Variants in GNG2 observed in about 807,000 individuals in gnomAD.
GNG2 encodes the protein guanine nucleotide-binding protein G(I)/G(S)/G(O) subunit gamma-2.
GNG2 carries 5 observed loss-of-function variants against 5.5 expected under a neutral mutation model. That is an observed-to-expected ratio of 0.91 (90% CI 0.48 to 1.92). The LOEUF (loss-of-function observed/expected upper bound fraction) is 1.92, where lower values mean the gene tolerates loss of function less well. Ranked by LOEUF, GNG2 falls within the 30% of genes most tolerant of loss-of-function variation. The pLI is 0.01. For synonymous variants in GNG2, 28 were observed against 32.0 expected (o/e 0.88, Z 0.42); for missense variants, 55 against 88.4 (o/e 0.62, Z 1.52).
At chr14:51,831,041 G>C (rs367940393) in intron 2 of GNG2, among the ~76,000 whole-genome samples, 6 of 152,148 alleles carry the variant, frequency 3.9e-5, no homozygotes, top group South Asian at 2.1e-4. Flanking sequence ...AATGCACCAG[G>C]CATGCTCCAG....
At chr14:51,891,737 G>A (rs1884868942) in intron 2 of GNG2, among the ~76,000 whole-genome samples, 2 of 152,176 alleles carry the variant, frequency 1.3e-5, no homozygotes, top group South Asian at 4.1e-4. Context: ...GATGTACATA[G>A]CTGTAGTTTA....
chr14:51,930,503 C>T (rs1447464051), intron 2 of GNG2, among the ~76,000 whole-genome samples: 1 of 152,224 alleles, frequency 6.6e-6, no homozygotes, highest in Non-Finnish European at 1.5e-5. Flanking sequence ...TCATCTTTGA[C>T]CTTGGTCACG....
rs192197106 is a variant in GNG2, at chr14:51,879,414, G to T, written c.-30+1757G>T. Reference sequence around the variant, plus strand: ...AGGTTAGAAGCAAAATACCAGCAAGGCATTATTGAACAGCAACTGTGATTA... The same window carrying T: ...AGGTTAGAAGCAAAATACCAGCAAGTCATTATTGAACAGCAACTGTGATTA... On this transcript the variant is annotated intron_variant, in intron 2 of 3. Transcript: ENST00000556766. 1.2e-3 allele frequency among the ~76,000 whole-genome samples: 179 copies of T among 152,300 alleles called. 4 individuals are homozygous for T. Among genetic ancestry groups the T allele is most frequent in the Non-Finnish European group, 5.1e-4 (35 of 68,018 alleles).
intron 2 of GNG2, among the ~76,000 whole-genome samples, chr14:51,889,015 A>G (rs56014595): frequency 0.33 from 50,368 of 151,896 alleles, 9,197 homozygotes; most frequent in Non-Finnish European, 0.42. Flanking sequence ...CAGAATAGAC[A>G]AATCCATAGA....
chr14:51,937,623 A>ATTT (rs60571273), intron 2 of GNG2, among the ~76,000 whole-genome samples: 26,545 of 133,426 alleles, frequency 0.2, 3,891 homozygotes, highest in East Asian at 0.34. Flanking sequence ...GAAATACATA[A>ATTT]TTTTTTTTTT....
chr14:51,856,175 CAA>C (rs1408861960), upstream of GNG2, among the ~76,000 whole-genome samples: 1 of 151,010 alleles, frequency 6.6e-6, no homozygotes, highest in Non-Finnish European at 1.5e-5. Flanking sequence ...AAGACAGTCT[CAA>C]AAAAATAAAA....
At chr14:51,892,651 C>T (rs1884936639) in intron 2 of GNG2, among the ~76,000 whole-genome samples, 1 of 152,178 alleles carries the variant, frequency 6.6e-6, no homozygotes, top group Non-Finnish European at 1.5e-5. Flanking sequence ...GTAACACGCT[C>T]TTGTTTTTAC....
At chr14:51,848,738 C>G (rs7492418) in intron 2 of GNG2, among the ~76,000 whole-genome samples, 1 of 152,132 alleles carries the variant, frequency 6.6e-6, no homozygotes. Flanking sequence ...GATGCCACAC[C>G]TAGGCTCGAA....
At chr14:51,873,523 G>T (rs565763551) in intron 1 of GNG2, among the ~76,000 whole-genome samples, 11 of 152,366 alleles carry the variant, frequency 7.2e-5, no homozygotes, top group Non-Finnish European at 1.2e-4. Context: ...AGAAACCCTG[G>T]CATCCTGCCT....
At chr14:51,932,246 CAAAAAA>C (rs781725794) in intron 2 of GNG2, among the ~76,000 whole-genome samples, 5,170 of 23,150 alleles carry the variant, frequency 0.22, 230 homozygotes, top group Middle Eastern at 0.25. Context: ...GACTCTGTCT[CAAAAAA>C]AAAAAAAAAA....
At position 51,862,068 on chromosome 14, in the gene GNG2, A is replaced by G. The variant is rs543615038; in HGVS notation, c.-71+1278A>G. Among the ~76,000 whole-genome samples the G allele has an allele frequency of 3.2e-4, 49 of 152,294 alleles. 1 individual carries two copies. In the South Asian group the frequency reaches 7.7e-3, roughly 24 times the overall value. On this transcript the variant is annotated intron_variant, in intron 1 of 3. Transcript: ENST00000556766. ...TATGTATGTATATGCCTCCTCCTTTATCATCGTTCTCACTTGTTAAGAGCT... is the reference window on the plus strand; with the variant it reads ...TATGTATGTATATGCCTCCTCCTTTGTCATCGTTCTCACTTGTTAAGAGCT...
chr14:51,853,456 A>G (rs1882007045), intron 2 of GNG2, among the ~76,000 whole-genome samples: 1 of 152,238 alleles, frequency 6.6e-6, no homozygotes, highest in Non-Finnish European at 1.5e-5. Flanking sequence ...ATAGAGCCAG[A>G]GGAGCCAAGG....
chr14:51,846,917 C>A (rs931275884), intron 2 of GNG2, among the ~76,000 whole-genome samples: 1 of 152,132 alleles, frequency 6.6e-6, no homozygotes, highest in Non-Finnish European at 1.5e-5. Flanking sequence ...GTTTTGTTTT[C>A]TCGCTATTCT....
intron 2 of GNG2, among the ~76,000 whole-genome samples, chr14:51,903,233 C>T (rs560612532): frequency 2.0e-5 from 3 of 151,648 alleles, no homozygotes; most frequent in Admixed American, 2.0e-4. Context: ...TTATATTTAC[C>T]TCCAGTTTAA....
At chr14:51,872,310 T>TTGTGTGTGTGTGTGTGTGTGTG (rs35147124) in intron 1 of GNG2, among the ~76,000 whole-genome samples, 28 of 149,984 alleles carry the variant, frequency 1.9e-4, no homozygotes, top group African/African-American at 6.1e-4. Context: ...AATGACTATT[T>TTGTGTGTGTGTGTGTGTGTGTG]TGTGTGTGTG....
intron 2 of GNG2, among the ~76,000 whole-genome samples, chr14:51,937,240 A>G (rs1189148450): frequency 6.6e-6 from 1 of 152,232 alleles, no homozygotes; most frequent in Non-Finnish European, 1.5e-5. Context: ...ATTATCAGAG[A>G]TGTATAATAG....
chr14:51,864,243 A>G (rs1202141982), intron 1 of GNG2, among the ~76,000 whole-genome samples: 1 of 152,124 alleles, frequency 6.6e-6, no homozygotes. Context: ...TATGGTTTTG[A>G]TGAGCATTTT....
intron 2 of GNG2, among the ~76,000 whole-genome samples, chr14:51,880,967 G>GAAAAAAAAAAA (rs11463019): frequency 5.6e-4 from 57 of 101,998 alleles, no homozygotes; most frequent in East Asian, 1.2e-3. Context: ...CAAAAAAAAA[G>GAAAAAAAAAAA]AAAAAAAAAA....
chr14:51,966,262 G>C (rs895470698), intron 3 of GNG2, among the ~76,000 whole-genome samples: 2 of 141,770 alleles, frequency 1.4e-5, no homozygotes, highest in African/African-American at 5.2e-5. Flanking sequence ...AGCCACCTGC[G>C]GGGCTATGGA....
Sources: allele counts gnomAD v4.1 joint callset (sites outside exome capture counted in the v4.1 genomes callset), GRCh38; gene constraint gnomAD v4.1.1; transcripts MANE v1.5; gene names NCBI Gene and HGNC (gene_info 2026-07-23, HGNC 2026-07-21).